CRTC1: variants seen among roughly 807,000 people sequenced by gnomAD.
The protein encoded by CRTC1 is CREB-regulated transcription coactivator 1.
Under a neutral mutation model 66.1 loss-of-function variants are expected in CRTC1, and 18 were observed. The observed-to-expected ratio is 0.27, with a 90% confidence interval of 0.19 to 0.40. CRTC1 has a LOEUF of 0.40. Ranked by LOEUF, CRTC1 falls within the 10% of genes least tolerant of loss-of-function variation. The probability of loss-of-function intolerance (pLI) is 1.00; values close to 1 mark genes in which losing one functional copy is unlikely to be tolerated. For missense variants in CRTC1, 669 were observed against 887.9 expected, an observed-to-expected ratio of 0.75 and a Z score of 3.13; for synonymous variants, 416 against 398.8, an observed-to-expected ratio of 1.04 and a Z score of -0.51.
rs985929683 is a variant in CRTC1, at chr19:18,741,359, G to C, written c.127-1551G>C. On this transcript the variant is annotated intron_variant, in intron 1 of 13. Coordinates refer to ENST00000321949, the MANE Select transcript of CRTC1 (RefSeq NM_015321.3). The surrounding 1 kb of genome is among the most constrained non-coding windows in gnomAD (Gnocchi z 4.2). ...ATGAGTACCTGCTGTGTCACACGTC[G>C]TGTGTCCCTCTCACACCCGCCTGTA... 1.3e-5 allele frequency among the ~76,000 whole-genome samples: 2 copies of C among 152,216 alleles called. No homozygotes were observed. Among genetic ancestry groups the C allele is most frequent in the African/African-American group, 4.8e-5 (2 of 41,452 alleles).
chr19:18,781,929 T>A lies in CRTC1; in HGVS notation c.*4547T>A. ...CTTGCCCAGCCCAGCCATCAAGAAC[T>A]TCTGATCTCCTGCCCACCAGGAGGG... On this transcript the variant is annotated 3_prime_UTR_variant, in exon 14 of 14. Coordinates refer to ENST00000321949, the MANE Select transcript of CRTC1 (RefSeq NM_015321.3). 1 of 230,348 alleles carries A rather than the reference T, an allele frequency of 4.3e-6. No individual in the cohort carries two copies. The highest frequency in any genetic ancestry group is 6.1e-5 in the East Asian group (1 of 16,306). The allele number at this position is 230,348 out of a possible 1,614,324, so 14.3% of individuals were successfully genotyped here.
At chr19:18,764,639 G>A (rs761208869) in intron 8 of CRTC1, among the ~76,000 whole-genome samples, 3 of 152,228 alleles carry the variant, frequency 2.0e-5, no homozygotes, top group Admixed American at 6.5e-5. Context: ...GGAATGATGT[G>A]TCAGACCCCA....
At chr19:18,762,281 G>C (rs530626945) in intron 8 of CRTC1, among the ~76,000 whole-genome samples, 1 of 152,250 alleles carries the variant, frequency 6.6e-6, no homozygotes, top group African/African-American at 2.4e-5. Context: ...CACAACATAC[G>C]TGGAAGCTGG....
intron 1 of CRTC1, among the ~76,000 whole-genome samples, chr19:18,684,581 A>G (rs1258135562): frequency 6.6e-6 from 1 of 151,960 alleles, no homozygotes; most frequent in Non-Finnish European, 1.5e-5. Context: ...TGGAACTTGG[A>G]GTGGAGACAG....
At chr19:18,710,057 A>G (rs2053354805) in intron 1 of CRTC1, among the ~76,000 whole-genome samples, 1 of 137,890 alleles carries the variant, frequency 7.3e-6, no homozygotes, top group Non-Finnish European at 1.6e-5. Context: ...TTCCTTGGCG[A>G]GCCACTGTCA....
rs1285368861 is a variant in CRTC1 at position 18,705,982 on chromosome 19, T to TA, written c.126+22156dup. Among the ~76,000 whole-genome samples, 4 of 149,400 alleles carry TA rather than the reference T, an allele frequency of 2.7e-5. 1 individual carries two copies. Among genetic ancestry groups the TA allele is most frequent in the African/African-American group, 9.8e-5 (4 of 40,660 alleles). ...CTCTCTCTCTCTTTTTTTTTTTTTT[T>TA]AATGCTTTTTAGTATATTCATACTT... On this transcript the variant is annotated intron_variant, in intron 1 of 13. Transcript: ENST00000321949.
intron 2 of CRTC1, among the ~76,000 whole-genome samples, chr19:18,744,894 A>C (rs571091898): frequency 6.6e-6 from 1 of 152,316 alleles, no homozygotes; most frequent in East Asian, 1.9e-4. Context: ...AATCCTAGCC[A>C]TGGACAGGCT....
intron 1 of CRTC1, among the ~76,000 whole-genome samples, chr19:18,729,518 G>C (rs2053839029): frequency 6.6e-6 from 1 of 152,008 alleles, no homozygotes; most frequent in Non-Finnish European, 1.5e-5. Context: ...GCCGAGTCAG[G>C]AGGATCATTG....
At chr19:18,763,289 C>T (rs564059922) in intron 8 of CRTC1, among the ~76,000 whole-genome samples, 4 of 152,198 alleles carry the variant, frequency 2.6e-5, no homozygotes, top group African/African-American at 9.6e-5. Flanking sequence ...TTAGTAGATA[C>T]GGGGTTTCAC....
intron 1 of CRTC1, among the ~76,000 whole-genome samples, chr19:18,689,564 C>CATATATATATATATATATATATATAT (rs10616884): frequency 1.1e-3 from 41 of 38,324 alleles, no homozygotes; most frequent in African/African-American, 3.1e-3. Flanking sequence ...AATTGATGGC[C>CATATATATATATATATATATATATAT]ATATATATAT....
Position 18,683,843 on chromosome 19 carries a change from C to T in CRTC1, c.126+15C>T, listed in dbSNP as rs766399057. ...GGGCCGCGCGGGTAAGGGGGCTGCCCGCGCCGACCCTTCAGGGCCGGCGGA... is the reference window on the plus strand; with the variant it reads ...GGGCCGCGCGGGTAAGGGGGCTGCCTGCGCCGACCCTTCAGGGCCGGCGGA... On this transcript the variant is annotated intron_variant, in intron 1 of 13. Transcript: ENST00000321949. The T allele has an allele frequency of 2.5e-5, 30 of 1,224,304 alleles. No homozygotes were observed. The South Asian group carries it at 4.8e-4, about 20-fold the overall frequency. The allele number at this position is 1,224,304 out of a possible 1,614,324, so 75.8% of individuals were successfully genotyped here. A position where few individuals can be genotyped will look rare whatever the true frequency, so the allele number is the denominator to read the frequency against.
At chr19:18,765,968 AAG>A (rs2054725216) in intron 9 of CRTC1, among the ~76,000 whole-genome samples, 1 of 152,100 alleles carries the variant, frequency 6.6e-6, no homozygotes, top group African/African-American at 2.4e-5. Flanking sequence ...TTCAAAAAAA[AAG>A]AAAAAACTCA....
intron 1 of CRTC1, among the ~76,000 whole-genome samples, chr19:18,742,040 TCTC>T (rs1487513345): frequency 1.3e-5 from 2 of 151,658 alleles, no homozygotes; most frequent in African/African-American, 2.4e-5. Flanking sequence ...CAGCCCCACC[TCTC>T]CTCACGGTGG....
chr19:18,709,252 C>A (rs1425490625), intron 1 of CRTC1, among the ~76,000 whole-genome samples: 2 of 152,090 alleles, frequency 1.3e-5, no homozygotes, highest in Non-Finnish European at 2.9e-5. Context: ...CTGGTGCCCG[C>A]AGCCTCCCTC....
intron 8 of CRTC1, among the ~76,000 whole-genome samples, chr19:18,763,848 C>A (rs963138065): frequency 6.6e-6 from 1 of 152,212 alleles, no homozygotes; most frequent in African/African-American, 2.4e-5. Flanking sequence ...GAGCATCTCT[C>A]GGCCTGCTGG....
chr19:18,700,122 G>A (rs2055769335), intron 1 of CRTC1, among the ~76,000 whole-genome samples: 4 of 152,170 alleles, frequency 2.6e-5, no homozygotes, highest in South Asian at 2.1e-4. Flanking sequence ...CCACTATAGC[G>A]GCTGAGAGGC....
rs1253113289 is a variant in CRTC1, at chr19:18,777,913, C to T, written c.*531C>T. On this transcript the variant is annotated 3_prime_UTR_variant, in exon 14 of 14. Transcript: ENST00000321949. The surrounding 1 kb of genome is among the most constrained non-coding windows in gnomAD (Gnocchi z 5.5). ...GCCCCAGGGAGGAGGCGCCAGAGCG[C>T]GGGGCAGACGCAAAGTGAAATAAAC... The T allele has an allele frequency of 1.2e-5, 3 of 258,864 alleles. No homozygotes were observed. Among genetic ancestry groups the T allele is most frequent in the African/African-American group, 2.2e-5 (1 of 45,438 alleles). The allele number at this position is 258,864 out of a possible 1,614,324, so 16.0% of individuals were successfully genotyped here. A position where few individuals can be genotyped will look rare whatever the true frequency, so the allele number is the denominator to read the frequency against.
chr19:18,729,916 G>A (rs1010442024), intron 1 of CRTC1, among the ~76,000 whole-genome samples: 4 of 152,096 alleles, frequency 2.6e-5, no homozygotes, highest in African/African-American at 9.7e-5. Flanking sequence ...TGTGAAACCA[G>A]GAGCTGTGAC....
At position 18,778,915 on chromosome 19, in the gene CRTC1, G is replaced by A. The variant is rs1484645984; in HGVS notation, c.*1533G>A. On this transcript the variant is annotated 3_prime_UTR_variant, in exon 14 of 14. Coordinates refer to ENST00000321949, the MANE Select transcript of CRTC1 (RefSeq NM_015321.3). ...TGCCCCTTCTTGGCAGCTCAGGGTC[G>A]TGGCAGGTGGACTTGGAGACACACA... 5 of 231,436 alleles carry A rather than the reference G, an allele frequency of 2.2e-5. No individual in the cohort carries two copies. Among genetic ancestry groups the A allele is most frequent in the South Asian group, 1.8e-4 (1 of 5,504 alleles). 14.3% of individuals were successfully genotyped at this position (231,436 alleles called of 1,614,324 possible). A position where few individuals can be genotyped will look rare whatever the true frequency, so the allele number is the denominator to read the frequency against.
Sources: allele counts gnomAD v4.1 joint callset (sites outside exome capture counted in the v4.1 genomes callset), GRCh38; gene constraint gnomAD v4.1.1; non-coding constraint Gnocchi (gnomAD v3.1); transcripts MANE v1.5; gene names NCBI Gene and HGNC (gene_info 2026-07-23, HGNC 2026-07-21).